LRRC40: variants seen among roughly 807,000 people sequenced by gnomAD.
LRRC40 encodes the protein leucine rich repeat containing 40, also known as leucine-rich repeat-containing protein 40.
Under a neutral mutation model 72.8 loss-of-function variants are expected in LRRC40, and 76 were observed. The ratio of observed to expected loss-of-function variants is 1.04; its 90% confidence interval spans 0.87 to 1.26. The LOEUF is 1.26. Among genes scored for constraint, LRRC40 ranks in the 50% most tolerant of loss-of-function variants. The pLI, the probability that LRRC40 is intolerant of heterozygous loss-of-function variation, is 0.00. For synonymous variants in LRRC40, 243 were observed against 254.2 expected (o/e 0.96, Z 0.42); for missense variants, 684 against 698.9 (o/e 0.98, Z 0.24).
Position 70,152,090 on chromosome 1 carries a change from G to T in LRRC40, c.1439+343C>A, listed in dbSNP as rs192222365. 725 of 194,270 alleles carry T rather than the reference G, an allele frequency of 3.7e-3. 10 individuals carry two copies. Among genetic ancestry groups the T allele is most frequent in the South Asian group, 0.029 (256 of 8,916 alleles). 12.0% of individuals were successfully genotyped at this position (194,270 alleles called of 1,614,324 possible). ...TTGTGTTGAATAACCCACTCAGCTG[G>T]TTTTATACTATTTACTTTCAGAAAA... is the stretch of plus-strand genomic sequence containing the variant. On this transcript the variant is annotated intron_variant, in intron 12 of 14. Coordinates refer to ENST00000370952, the MANE Select transcript of LRRC40 (RefSeq NM_017768.5).
chr1:70,175,503 C>T (rs550131474), intron 7 of LRRC40, among the ~76,000 whole-genome samples: 10 of 152,130 alleles, frequency 6.6e-5, no homozygotes, highest in Admixed American at 6.5e-5. Flanking sequence ...TTCATTCCAG[C>T]GTTCTTAGAA....
chr1:70,186,708 A>G (rs1165736007), intron 3 of LRRC40, among the ~76,000 whole-genome samples: 4 of 152,192 alleles, frequency 2.6e-5, no homozygotes, highest in Non-Finnish European at 4.4e-5. Context: ...ATTCTTTCTT[A>G]AAAGTCTGGG....
chr1:70,163,694 C>G (rs1274640386), intron 9 of LRRC40, among the ~76,000 whole-genome samples: 1 of 152,154 alleles, frequency 6.6e-6, no homozygotes, highest in Non-Finnish European at 1.5e-5. Flanking sequence ...GTGTGGCCAT[C>G]ATTGAAGGGT....
chr1:70,199,389 A>G (rs1203359734), intron 1 of LRRC40, among the ~76,000 whole-genome samples: 1 of 152,086 alleles, frequency 6.6e-6, no homozygotes, highest in Non-Finnish European at 1.5e-5. Flanking sequence ...AATAAATGGT[A>G]TTTTTCAAAA....
chr1:70,166,128 A>G (rs1349506004), intron 9 of LRRC40, among the ~76,000 whole-genome samples: 2 of 152,212 alleles, frequency 1.3e-5, no homozygotes, highest in Non-Finnish European at 2.9e-5. Context: ...TATGCTTTGA[A>G]TAATTCAACC....
intron 9 of LRRC40, among the ~76,000 whole-genome samples, chr1:70,170,529 CAAG>C (rs1441714867): frequency 6.6e-6 from 1 of 152,110 alleles, no homozygotes; most frequent in African/African-American, 2.4e-5. Context: ...ATAGTTTCAT[CAAG>C]GTTTCAGGAT....
At chr1:70,193,085 A>C (rs560150484) in intron 1 of LRRC40, among the ~76,000 whole-genome samples, 1 of 152,252 alleles carries the variant, frequency 6.6e-6, no homozygotes, top group South Asian at 2.1e-4. Context: ...ACAATGATCT[A>C]AGCTACAATC....
At chr1:70,189,299 A>G (rs1169949256) in intron 1 of LRRC40, 26 bp from the exon 2 acceptor site, 24 of 177,516 alleles carry the variant, frequency 1.4e-4, no homozygotes, top group South Asian at 1.1e-3. Context: ...CCACACCAGG[A>G]AAAAAAAAAA....
chr1:70,192,729 T>A (rs2100338974), intron 1 of LRRC40, among the ~76,000 whole-genome samples: 1 of 152,154 alleles, frequency 6.6e-6, no homozygotes, highest in South Asian at 2.1e-4. Flanking sequence ...CAAAATACTG[T>A]ATGTTCTCAC....
At chr1:70,203,184 T>C (rs556628289) in intron 1 of LRRC40, among the ~76,000 whole-genome samples, 2 of 152,268 alleles carry the variant, frequency 1.3e-5, no homozygotes, top group South Asian at 2.1e-4. Flanking sequence ...CATGAGCTAC[T>C]ATCATTATCA....
chr1:70,171,948 A>G (rs1049396478), intron 9 of LRRC40, among the ~76,000 whole-genome samples: 2 of 152,178 alleles, frequency 1.3e-5, no homozygotes, highest in African/African-American at 2.4e-5. Flanking sequence ...TTTCTGATCT[A>G]CTAACTCAGT....
At chr1:70,172,523 A>G (rs1668020874) in intron 9 of LRRC40, among the ~76,000 whole-genome samples, 1 of 152,112 alleles carries the variant, frequency 6.6e-6, no homozygotes, top group Non-Finnish European at 1.5e-5. Context: ...TATAACTGTA[A>G]CTTCCACTAA....
chr1:70,189,148 T>C lies in LRRC40; in HGVS notation c.277A>G (p.Lys93Glu). The C allele has an allele frequency of 6.2e-7, 1 of 1,613,880 alleles. No homozygotes were observed. Among genetic ancestry groups the C allele is most frequent in the Non-Finnish European group, 8.5e-7 (1 of 1,179,980 alleles). ...AGGTCATCTGTAAGTGACTGAAGTT[T>C]ATTGTTTGATATTATTAGTTTGGTC... ...DLTKLIISNN[K>E]LQSLTDDLRL... Residue 93 changes from lysine (K) to glutamate (E), a missense_variant, in exon 2 of 15, where the codon AAA becomes GAA. Transcript: ENST00000370952.
chr1:70,199,429 A>G (rs559959513), intron 1 of LRRC40, among the ~76,000 whole-genome samples: 85 of 152,170 alleles, frequency 5.6e-4, no homozygotes, highest in Non-Finnish European at 1.1e-3. Flanking sequence ...AACAAAGTAC[A>G]GTTTATCCTC....
intron 3 of LRRC40, 125 bp downstream of exon 3, chr1:70,187,140 C>A: frequency 7.6e-6 from 4 of 527,394 alleles, no homozygotes; most frequent in South Asian, 5.6e-5. Context: ...ACTTAAAATT[C>A]TTATTCTGCT....
intron 1 of LRRC40, among the ~76,000 whole-genome samples, chr1:70,198,166 A>G (rs1668658055): frequency 6.6e-6 from 1 of 152,180 alleles, no homozygotes; most frequent in African/African-American, 2.4e-5. Flanking sequence ...GGTGCCCTAG[A>G]CCAAATTACT....
chr1:70,149,466 C>A (rs1667409968), intron 13 of LRRC40, among the ~76,000 whole-genome samples: 1 of 152,150 alleles, frequency 6.6e-6, no homozygotes. Flanking sequence ...TACAGATGGA[C>A]CAAATGACCC....
Position 70,150,123 on chromosome 1 carries a change from C to T in LRRC40, c.1517+1005G>A, listed in dbSNP as rs563950647. Among the ~76,000 whole-genome samples the T allele has an allele frequency of 3.9e-5, 6 of 152,034 alleles. No individual in the cohort carries two copies. The East Asian group carries it at 1.2e-3, about 29-fold the overall frequency. ...TAGTAGAGATGGAGTTTCACCATAT[C>T]GGCCAGGCTGGTCTCAAACTCCTGA... On this transcript the variant is annotated intron_variant, in intron 13 of 14. Transcript: ENST00000370952.
chr1:70,161,728 A>T (rs1247915890), intron 9 of LRRC40, among the ~76,000 whole-genome samples: 2 of 152,084 alleles, frequency 1.3e-5, no homozygotes, highest in African/African-American at 4.8e-5. Flanking sequence ...AAGGTTTAGA[A>T]GGGGTTGGAA....
Sources: gnomAD v4.1 joint callset for allele counts (sites outside exome capture counted in the v4.1 genomes callset) on GRCh38, gnomAD v4.1.1 for gene constraint, MANE v1.5 for transcripts, NCBI Gene and HGNC (gene_info 2026-07-23, HGNC 2026-07-21) for gene names.